Variants in ACSF3 observed in about 807,000 individuals in gnomAD.
ACSF3 encodes malonate--CoA ligase ACSF3, mitochondrial.
A neutral mutation model predicts 53.2 loss-of-function variants in ACSF3; 78 were observed. The observed-to-expected ratio is 1.47, with a 90% CI of 1.22 to 1.77. The LOEUF is 1.77. Ranked by LOEUF, ACSF3 falls within the 40% of genes most tolerant of loss-of-function variation. The pLI is 0.00. For missense variants in ACSF3, 937 were observed against 771.1 expected, an observed-to-expected ratio of 1.22 and a Z score of -2.55; for synonymous variants, 414 against 333.1, an observed-to-expected ratio of 1.24 and a Z score of -2.65.
intron 8 of ACSF3, among the ~76,000 whole-genome samples, chr16:89,139,872 C>T (rs1313733799): frequency 6.6e-6 from 1 of 152,162 alleles, no homozygotes; most frequent in East Asian, 1.9e-4. Context: ...GAATTACAGG[C>T]ATGAGCCACC....
At chr16:89,149,825 G>C (rs1338786976) in intron 10 of ACSF3, 1 of 152,192 alleles carries the variant, frequency 6.6e-6, no homozygotes, top group Non-Finnish European at 1.5e-5. Context: ...GTGGGAAAGA[G>C]TGGGCAAACA....
chr16:89,145,957 TC>T lies in ACSF3; in HGVS notation c.1523del (p.Pro508ArgfsTer3). ...SITDVAVIGV[P>X]DMTWGQRVTA... ...CCGCAGATGTGGCTGTGATTGGAGT[TC>T]CGGATATGACATGGGGCCAGCGGGT... is the stretch of plus-strand genomic sequence containing the variant. On this transcript the variant is annotated frameshift_variant, in exon 10 of 11. Coordinates refer to ENST00000614302, the MANE Select transcript of ACSF3 (RefSeq NM_001243279.3). LOFTEE classifies it high-confidence loss of function. 6.2e-7 allele frequency: 1 copy of T among 1,610,608 alleles called. No individual in the cohort carries two copies. The highest frequency in any genetic ancestry group is 8.5e-7 in the Non-Finnish European group (1 of 1,177,910).
intron 7 of ACSF3, among the ~76,000 whole-genome samples, chr16:89,130,859 G>A (rs56339509): frequency 0.038 from 5,719 of 152,154 alleles, 196 homozygotes; most frequent in East Asian, 0.13. Flanking sequence ...TAGCATGAAC[G>A]TTAGCCCTCT....
Position 89,106,296 on chromosome 16 carries a change from A to ATT in ACSF3, c.822+3550_822+3551dup, listed in dbSNP as rs11393084. On this transcript the variant is annotated intron_variant, in intron 4 of 10. Transcript: ENST00000614302. ...CTTTAAACTATGCTGTGAAAACTTA[A>ATT]TTTTTTTTTTTTTTGAGATGGAGTC... 6.1e-3 allele frequency among the ~76,000 whole-genome samples: 903 copies of ATT among 147,248 alleles called. 10 individuals carry two copies. The highest frequency in any genetic ancestry group is 0.016 in the African/African-American group (650 of 40,024).
chr16:89,112,513 ATC>A (rs1904297224), intron 5 of ACSF3, among the ~76,000 whole-genome samples: 3 of 149,976 alleles, frequency 2.0e-5, no homozygotes, highest in South Asian at 2.1e-4. Context: ...CTGTCTCTCT[ATC>A]TCTCTCTGTC....
chr16:89,114,462 C>G lies in ACSF3; in HGVS notation c.1101C>G (p.Pro367=), dbSNP rs765752531. Residue 367 remains proline, a synonymous_variant, in exon 6 of 11, where the codon CCC becomes CCG. Coordinates refer to ENST00000614302, the MANE Select transcript of ACSF3 (RefSeq NM_001243279.3). The part of the protein sequence containing the change: ...MTEIGMALSG[P]LTTAVRLPGS... ...AGATCGGCATGGCTCTGTCCGGGCC[C>G]CTGACCACTGCCGTGCGCCTGCCAG... The G allele has an allele frequency of 6.2e-7, 1 of 1,613,196 alleles. No homozygotes were observed. Among genetic ancestry groups the G allele is most frequent in the African/African-American group, 1.3e-5 (1 of 75,056 alleles).
chr16:89,112,430 G>C (rs922768698), intron 5 of ACSF3, among the ~76,000 whole-genome samples, 184 bp downstream of exon 5: 2 of 151,206 alleles, frequency 1.3e-5, no homozygotes, highest in Non-Finnish European at 2.9e-5. Flanking sequence ...CTCTCTACCC[G>C]TCTGTATGTA....
chr16:89,117,539 C>T (rs1905355006), intron 6 of ACSF3, among the ~76,000 whole-genome samples: 1 of 151,792 alleles, frequency 6.6e-6, no homozygotes, highest in African/African-American at 2.4e-5. Flanking sequence ...TCAGGAGCAG[C>T]CCGGGGACTG....
intron 8 of ACSF3, among the ~76,000 whole-genome samples, chr16:89,134,677 C>G (rs1364116867): frequency 6.6e-6 from 1 of 152,252 alleles, no homozygotes; most frequent in African/African-American, 2.4e-5. Context: ...GTCCCTCCTG[C>G]TGTGCTCTGA....
At chr16:89,121,787 A>C (rs1383469270) in intron 7 of ACSF3, among the ~76,000 whole-genome samples, 2 of 152,224 alleles carry the variant, frequency 1.3e-5, no homozygotes, top group Admixed American at 1.3e-4. Flanking sequence ...TGCTCTCGTG[A>C]GTGAACAGCC....
intron 5 of ACSF3, among the ~76,000 whole-genome samples, chr16:89,112,481 G>C (rs1976818891): frequency 6.6e-6 from 1 of 151,836 alleles, no homozygotes; most frequent in Non-Finnish European, 1.5e-5. Context: ...CCTGGATTCT[G>C]TATCGCTCTC....
At chr16:89,132,027 C>T (rs928303342) in intron 7 of ACSF3, among the ~76,000 whole-genome samples, 3 of 152,222 alleles carry the variant, frequency 2.0e-5, no homozygotes, top group East Asian at 1.9e-4. Context: ...GCGTCAGCCC[C>T]TCCTGGAGGA....
At chr16:89,128,057 C>T (rs1908504947) in intron 7 of ACSF3, among the ~76,000 whole-genome samples, 1 of 151,328 alleles carries the variant, frequency 6.6e-6, no homozygotes, top group Admixed American at 6.6e-5. Flanking sequence ...TACTGTTTTT[C>T]TGTTTTCAGT....
At chr16:89,119,035 TG>T (rs1161318747) in intron 6 of ACSF3, among the ~76,000 whole-genome samples, 1 of 151,716 alleles carries the variant, frequency 6.6e-6, no homozygotes, top group Non-Finnish European at 1.5e-5. Flanking sequence ...ACCTGGAGTG[TG>T]GGGGCCCCTG....
intron 9 of ACSF3, among the ~76,000 whole-genome samples, chr16:89,145,702 G>A (rs146646524): frequency 9.0e-4 from 137 of 152,312 alleles, no homozygotes; most frequent in African/African-American, 3.1e-3. Context: ...GCCAAGGGGC[G>A]GGAAGGCAGA....
At chr16:89,130,117 G>T (rs945874973) in intron 7 of ACSF3, among the ~76,000 whole-genome samples, 1 of 152,108 alleles carries the variant, frequency 6.6e-6, no homozygotes, top group South Asian at 2.1e-4. Context: ...GTTTCTTTCT[G>T]TCTGAAGGAC....
intron 8 of ACSF3, among the ~76,000 whole-genome samples, chr16:89,142,929 A>G (rs1369236134): frequency 6.6e-6 from 1 of 152,194 alleles, no homozygotes; most frequent in Non-Finnish European, 1.5e-5. Context: ...TCATAAATTA[A>G]GCTCATGTGA....
At chr16:89,111,221 G>T (rs1447652365) in intron 4 of ACSF3, among the ~76,000 whole-genome samples, 1 of 152,192 alleles carries the variant, frequency 6.6e-6, no homozygotes, top group Non-Finnish European at 1.5e-5. Context: ...TACATGCTTT[G>T]TGACTTTGAA....
At chr16:89,103,010 A>G (rs1319157416) in intron 4 of ACSF3, among the ~76,000 whole-genome samples, 1 of 152,250 alleles carries the variant, frequency 6.6e-6, no homozygotes, top group East Asian at 1.9e-4. Flanking sequence ...ATACATACGT[A>G]CCTATGATAA....
Sources: gnomAD v4.1 joint callset for allele counts (sites outside exome capture counted in the v4.1 genomes callset) on GRCh38, gnomAD v4.1.1 for gene constraint, MANE v1.5 for transcripts, NCBI Gene and HGNC (gene_info 2026-07-23, HGNC 2026-07-21) for gene names.